Variants in VEZT observed in about 807,000 individuals in gnomAD.
The protein encoded by VEZT is vezatin, adherens junctions transmembrane protein, also known as vezatin.
Under a neutral mutation model 79.9 loss-of-function variants are expected in VEZT, and 39 were observed. That is an observed-to-expected ratio of 0.49 (90% confidence interval 0.38 to 0.64). The LOEUF (loss-of-function observed/expected upper bound fraction) is 0.64. VEZT is among the 30% of genes least tolerant of loss of function. The pLI is 0.00. For synonymous variants in VEZT, 325 were observed against 327.6 expected, an observed-to-expected ratio of 0.99 and a Z score of 0.09; for missense variants, 837 against 893.1, an observed-to-expected ratio of 0.94 and a Z score of 0.80.
chr12:95,280,307 C>A (rs1159035981), intron 7 of VEZT, among the ~76,000 whole-genome samples: 1 of 152,166 alleles, frequency 6.6e-6, no homozygotes, highest in Non-Finnish European at 1.5e-5. Flanking sequence ...TGTGCTCCCA[C>A]AACAGTACTT....
chr12:95,251,889 T>A (rs546341336), intron 1 of VEZT, 51 bp from the exon 2 acceptor site: 6 of 1,577,910 alleles, frequency 3.8e-6, no homozygotes, highest in Admixed American at 3.7e-5. Flanking sequence ...CCCCCGAAAC[T>A]TTTGAAGTAG....
chr12:95,290,889 C>G (rs1010514061), intron 9 of VEZT: 3 of 151,910 alleles, frequency 2.0e-5, no homozygotes, highest in Admixed American at 6.6e-5. Context: ...CTCAGGAAAT[C>G]ATTGAGAATA....
chr12:95,222,026 A>T (rs1195554828), intron 1 of VEZT, among the ~76,000 whole-genome samples: 1 of 152,170 alleles, frequency 6.6e-6, no homozygotes, highest in Non-Finnish European at 1.5e-5. Context: ...AAGGGACTTG[A>T]GCATCCATGG....
intron 1 of VEZT, among the ~76,000 whole-genome samples, chr12:95,233,886 T>C (rs1388208930): frequency 1.3e-5 from 2 of 152,212 alleles, no homozygotes; most frequent in African/African-American, 4.8e-5. Flanking sequence ...GTATGTATAT[T>C]TGGCATACTT....
intron 2 of VEZT, among the ~76,000 whole-genome samples, chr12:95,255,304 T>G (rs1357896811): frequency 1.3e-5 from 2 of 152,212 alleles, no homozygotes; most frequent in Non-Finnish European, 2.9e-5. Context: ...CGCGCTGACA[T>G]AGCCTTGGTC....
intron 11 of VEZT, chr12:95,299,250 C>T (rs1165830832): frequency 1.3e-5 from 2 of 154,730 alleles, no homozygotes; most frequent in Middle Eastern, 5.1e-4. Context: ...TTTAAATACA[C>T]GCCAGCTCTT....
At chr12:95,256,619 T>A in intron 2 of VEZT, 1 of 1,288,212 alleles carries the variant, frequency 7.8e-7, no homozygotes, top group South Asian at 1.2e-5. Flanking sequence ...AATGGGCTAT[T>A]AAGGTAAATT....
rs1287806299 is a variant in VEZT, at chr12:95,235,388, G to A, written c.37-16552G>A. Among the ~76,000 whole-genome samples the A allele has an allele frequency of 4.6e-5, 6 of 129,540 alleles. 1 individual carries two copies. The highest frequency in any genetic ancestry group is 9.1e-5 in the African/African-American group (3 of 32,792). 85.0% of individuals were successfully genotyped at this position (129,540 alleles called of 152,430 possible). ...CGGGCAGAGGCGCCCCTCACCTCCCGGACGGGGCGGCTGGCTGGGCGGGAG... is the reference window on the plus strand; with the variant it reads ...CGGGCAGAGGCGCCCCTCACCTCCCAGACGGGGCGGCTGGCTGGGCGGGAG... On this transcript the variant is annotated intron_variant, in intron 1 of 11. Coordinates refer to ENST00000436874, the MANE Select transcript of VEZT (RefSeq NM_017599.4).
In VEZT at chr12:95,282,358, C is replaced by T. The variant is rs750034308; in HGVS notation, c.1042C>T (p.Arg348Trp). 32 of 1,613,628 alleles carry T rather than the reference C, an allele frequency of 2.0e-5. No homozygotes were observed. Among genetic ancestry groups the T allele is most frequent in the Non-Finnish European group, 2.6e-5 (31 of 1,179,854 alleles). The change falls in exon 8 of 12, where the codon CGG (arginine) becomes TGG (tryptophan). Residue 348 changes from arginine to tryptophan, a missense_variant. Transcript: ENST00000436874. ...WVAQSSEFFR[R>W]LALLLSTANS... ...GGCACAGAGTTCAGAGTTCTTCAGA[C>T]GGTTAGCCCTATTACTTTCTACAGC... is the stretch of plus-strand genomic sequence containing the variant.
Position 95,300,154 on chromosome 12 carries a change from T to C in VEZT, c.1832-11T>C. The stretch of plus-strand genomic sequence containing the variant: ...TTATTTTTTTTCTTTTTTCTTTTTT[T>C]TTATTTGAAGCCGTGTTGAAATCCT... On this transcript the variant is annotated splice_polypyrimidine_tract_variant and intron_variant, in intron 11 of 11. Coordinates refer to ENST00000436874, the MANE Select transcript of VEZT (RefSeq NM_017599.4). 7.2e-7 allele frequency: 1 copy of C among 1,380,266 alleles called. No individual in the cohort carries two copies. Among genetic ancestry groups the C allele is most frequent in the South Asian group, 1.9e-5 (1 of 51,966 alleles). The allele number at this position is 1,380,266 out of a possible 1,614,324, so 85.5% of individuals were successfully genotyped here.
chr12:95,292,355 T>C (rs1226293940), intron 9 of VEZT, among the ~76,000 whole-genome samples: 1 of 152,208 alleles, frequency 6.6e-6, no homozygotes, highest in Non-Finnish European at 1.5e-5. Flanking sequence ...TGGATTTATT[T>C]GGTTTTTTTT....
At chr12:95,272,606 C>T (rs2066850126) in intron 6 of VEZT, among the ~76,000 whole-genome samples, 1 of 152,156 alleles carries the variant, frequency 6.6e-6, no homozygotes, top group African/African-American at 2.4e-5. Flanking sequence ...TATGTAAACC[C>T]TTATTTGCCT....
chr12:95,265,400 G>A (rs1317976417), intron 4 of VEZT, among the ~76,000 whole-genome samples: 1 of 149,426 alleles, frequency 6.7e-6, no homozygotes, highest in Non-Finnish European at 1.5e-5. Flanking sequence ...CTCATCAAGT[G>A]TGTATCATTT....
intron 1 of VEZT, 52 bp downstream of exon 1, chr12:95,217,938 G>C: frequency 6.9e-7 from 1 of 1,445,228 alleles, no homozygotes; most frequent in Non-Finnish European, 9.1e-7. Flanking sequence ...AGAAGGACGA[G>C]ACGGAAATCG....
intron 1 of VEZT, among the ~76,000 whole-genome samples, chr12:95,236,305 C>T (rs935227755): frequency 2.6e-4 from 40 of 152,144 alleles, no homozygotes; most frequent in Non-Finnish European, 5.9e-4. Flanking sequence ...CGCCTGTAAT[C>T]GCAGGCACTG....
At chr12:95,251,136 G>A (rs1299207375) in intron 1 of VEZT, among the ~76,000 whole-genome samples, 3 of 152,138 alleles carry the variant, frequency 2.0e-5, no homozygotes, top group African/African-American at 7.2e-5. Flanking sequence ...TCAGCCTCCC[G>A]AGTAGATGGG....
chr12:95,239,189 T>A (rs986527555), intron 1 of VEZT, among the ~76,000 whole-genome samples: 7 of 152,322 alleles, frequency 4.6e-5, no homozygotes, highest in Non-Finnish European at 8.8e-5. Context: ...TTGTATTTTT[T>A]AAATTTTTAG....
intron 11 of VEZT, chr12:95,299,428 A>G (rs2074868251): frequency 6.6e-6 from 1 of 152,460 alleles, no homozygotes; most frequent in Non-Finnish European, 1.5e-5. Flanking sequence ...CCGTATGAAT[A>G]TATATTATAT....
intron 1 of VEZT, among the ~76,000 whole-genome samples, chr12:95,243,121 C>T (rs187330041): frequency 7.5e-4 from 114 of 152,126 alleles, no homozygotes; most frequent in Non-Finnish European, 1.2e-3. Flanking sequence ...GCCTGTAATT[C>T]CTGCACTTTG....
Sources: allele counts gnomAD v4.1 joint callset (sites outside exome capture counted in the v4.1 genomes callset), GRCh38; gene constraint gnomAD v4.1.1; transcripts MANE v1.5; gene names NCBI Gene and HGNC (gene_info 2026-07-23, HGNC 2026-07-21).